THADA: variants seen among roughly 807,000 people sequenced by gnomAD.
THADA encodes tRNA (32-2'-O)-methyltransferase regulator THADA.
THADA carries 213 observed loss-of-function variants against 219.8 expected under a neutral mutation model. The ratio of observed to expected loss-of-function variants is 0.97; its 90% CI spans 0.87 to 1.09. The LOEUF is 1.09. Ranked by LOEUF, THADA falls within the 50% of genes least tolerant of loss-of-function variation. The pLI is 0.00. For missense variants in THADA, 2,956 were observed against 2,311.3 expected, an observed-to-expected ratio of 1.28 and a Z score of -5.72; for synonymous variants, 1,018 against 828.9, an observed-to-expected ratio of 1.23 and a Z score of -3.92.
At chr2:43,335,175 C>T (rs768993868) in intron 30 of THADA, among the ~76,000 whole-genome samples, 2 of 152,046 alleles carry the variant, frequency 1.3e-5, no homozygotes, top group Non-Finnish European at 2.9e-5. Context: ...AATAAGATTC[C>T]CAGGTGATTC....
chr2:43,470,364 A>C (rs1219122933), intron 26 of THADA, among the ~76,000 whole-genome samples: 9 of 152,134 alleles, frequency 5.9e-5, no homozygotes, highest in African/African-American at 2.2e-4. Context: ...TTATACGTAA[A>C]GATGCTCACC....
intron 36 of THADA, among the ~76,000 whole-genome samples, chr2:43,240,504 C>G (rs914287482): frequency 1.3e-5 from 2 of 152,218 alleles, no homozygotes; most frequent in Non-Finnish European, 2.9e-5. Context: ...CCAGAAGCCT[C>G]TCAGTCCCCT....
intron 31 of THADA, among the ~76,000 whole-genome samples, chr2:43,294,706 T>C (rs1309317504): frequency 6.6e-6 from 1 of 152,074 alleles, no homozygotes; most frequent in Non-Finnish European, 1.5e-5. Flanking sequence ...GGAGACCAGT[T>C]ACAACACTAC....
intron 34 of THADA, among the ~76,000 whole-genome samples, chr2:43,287,357 C>A (rs545312972): frequency 2.0e-5 from 3 of 152,072 alleles, no homozygotes; most frequent in South Asian, 4.2e-4. Flanking sequence ...TGCAATGGTG[C>A]GATCTTGGCT....
intron 31 of THADA, among the ~76,000 whole-genome samples, chr2:43,293,683 C>A (rs908236615): frequency 2.6e-5 from 4 of 152,174 alleles, no homozygotes; most frequent in African/African-American, 9.7e-5. Flanking sequence ...TCAAAAAGTT[C>A]TTTTTGTGTT....
intron 36 of THADA, among the ~76,000 whole-genome samples, chr2:43,270,547 G>A (rs1019275467): frequency 6.6e-6 from 1 of 152,152 alleles, no homozygotes; most frequent in South Asian, 2.1e-4. Flanking sequence ...TGCCAGGTTT[G>A]GACTCCTTTC....
At chr2:43,334,875 C>G (rs967232289) in intron 30 of THADA, among the ~76,000 whole-genome samples, 3 of 152,170 alleles carry the variant, frequency 2.0e-5, no homozygotes, top group Non-Finnish European at 2.9e-5. Context: ...CCATAGAGAG[C>G]CCTGGGGCCA....
At chr2:43,579,107 G>T (rs1345714354) in intron 8 of THADA, among the ~76,000 whole-genome samples, 1 of 152,238 alleles carries the variant, frequency 6.6e-6, no homozygotes, top group Non-Finnish European at 1.5e-5. Flanking sequence ...TGGGATTACA[G>T]GCATGAGCCA....
intron 28 of THADA, among the ~76,000 whole-genome samples, chr2:43,399,331 AT>A (rs1674491271): frequency 6.6e-6 from 1 of 152,244 alleles, no homozygotes; most frequent in Non-Finnish European, 1.5e-5. Context: ...TTACAAAGGA[AT>A]TACTTGGTAA....
intron 29 of THADA, among the ~76,000 whole-genome samples, chr2:43,380,370 C>T (rs1671856260): frequency 6.6e-6 from 1 of 152,090 alleles, no homozygotes; most frequent in Non-Finnish European, 1.5e-5. Context: ...AATTCTGAAA[C>T]ATCTGTGCAA....
At position 43,577,112 on chromosome 2, in the gene THADA, G is replaced by GC; in HGVS notation, c.946dup (p.Ala316GlyfsTer33). 5 of 1,613,168 alleles carry GC rather than the reference G, an allele frequency of 3.1e-6. No individual in the cohort carries two copies. The highest frequency in any genetic ancestry group is 4.2e-6 in the Non-Finnish European group (5 of 1,179,644). The stretch of plus-strand genomic sequence containing the variant: ...GCTTCCGTTCTGCCAGTCCAACATG[G>GC]CAAGTGTCCCCTGACAGAGGAATAA... On this transcript the variant is annotated frameshift_variant, in exon 10 of 38. Transcript: ENST00000405975. LOFTEE classifies it high-confidence loss of function.
At position 43,232,704 on chromosome 2, in the gene THADA, C is replaced by T. The variant is rs369204060; in HGVS notation, c.5466+9G>A. ...CCTGCCTCCTACTCCCCTGACACCC[C>T]GGGATCACCTGATGCATGCTCTCCA... On this transcript the variant is annotated intron_variant, in intron 37 of 37. Coordinates refer to ENST00000405975, the MANE Select transcript of THADA (RefSeq NM_022065.5). 6.5e-5 allele frequency: 105 copies of T among 1,613,100 alleles called. 1 individual carries two copies. Among genetic ancestry groups the T allele is most frequent in the South Asian group, 2.3e-4 (21 of 91,018 alleles).
At chr2:43,237,826 G>A (rs943827929) in intron 36 of THADA, among the ~76,000 whole-genome samples, 1 of 151,802 alleles carries the variant, frequency 6.6e-6, no homozygotes, top group African/African-American at 2.4e-5. Context: ...AGAGAAACTG[G>A]GCTTTGTCAG....
Position 43,510,840 on chromosome 2 carries a change from G to A in THADA, c.3375-2060C>T, listed in dbSNP as rs187542125. Reference sequence around the variant, plus strand: ...ACAAAAATTAGCCAGGTGTGGTGGCGGGCACCTGTAATCCCAGCTACTCGG... The same window carrying A: ...ACAAAAATTAGCCAGGTGTGGTGGCAGGCACCTGTAATCCCAGCTACTCGG... On this transcript the variant is annotated intron_variant, in intron 22 of 37. Transcript: ENST00000405975. Among the ~76,000 whole-genome samples, 314 of 151,520 alleles carry A rather than the reference G, an allele frequency of 2.1e-3. 2 individuals are homozygous for A. Among genetic ancestry groups the A allele is most frequent in the East Asian group, 9.9e-3 (51 of 5,158 alleles).
intron 29 of THADA, among the ~76,000 whole-genome samples, chr2:43,384,713 C>G (rs1321288915): frequency 6.6e-6 from 1 of 152,170 alleles, no homozygotes; most frequent in Admixed American, 6.5e-5. Context: ...TGCCTGTAAT[C>G]CCAGCACTTT....
chr2:43,379,094 A>G (rs1671711220), intron 29 of THADA, among the ~76,000 whole-genome samples: 1 of 152,246 alleles, frequency 6.6e-6, no homozygotes, highest in African/African-American at 2.4e-5. Flanking sequence ...AAATAATAAA[A>G]ATAATGACGG....
At chr2:43,406,471 A>G (rs993414446) in intron 28 of THADA, among the ~76,000 whole-genome samples, 3 of 152,230 alleles carry the variant, frequency 2.0e-5, no homozygotes, top group Admixed American at 2.0e-4. Flanking sequence ...TGAGACAACA[A>G]CAAATACAAT....
rs1182360882 is a variant in THADA, at chr2:43,505,754, A to C, written c.3508-19T>G. 1 of 1,526,524 alleles carries C rather than the reference A, an allele frequency of 6.6e-7. No individual in the cohort carries two copies. Among genetic ancestry groups the C allele is most frequent in the East Asian group, 2.3e-5 (1 of 42,596 alleles). The allele number at this position is 1,526,524 out of a possible 1,614,324, so 94.6% of individuals were successfully genotyped here. A position where few individuals can be genotyped will look rare whatever the true frequency, so the allele number is the denominator to read the frequency against. On this transcript the variant is annotated intron_variant, in intron 23 of 37. Coordinates refer to ENST00000405975, the MANE Select transcript of THADA (RefSeq NM_022065.5). ...ACAGTGCCTATGGAAAAAGAATGCA[A>C]AAATTAACAGGGTTCTTAGTTTACA...
At chr2:43,293,838 T>G (rs1383922662) in intron 31 of THADA, among the ~76,000 whole-genome samples, 1 of 152,214 alleles carries the variant, frequency 6.6e-6, no homozygotes, top group Non-Finnish European at 1.5e-5. Flanking sequence ...TGTCTCTCAT[T>G]ATTCTAGCTG....
Sources: allele counts gnomAD v4.1 joint callset (sites outside exome capture counted in the v4.1 genomes callset), GRCh38; gene constraint gnomAD v4.1.1; transcripts MANE v1.5; gene names NCBI Gene and HGNC (gene_info 2026-07-23, HGNC 2026-07-21).